Variants in FAT3 observed in about 807,000 individuals in gnomAD.
FAT3 encodes FAT atypical cadherin 3, also known as protocadherin Fat 3.
FAT3 carries 95 observed loss-of-function variants against 310.2 expected under a neutral mutation model. That is an observed-to-expected ratio of 0.31 (90% confidence interval 0.26 to 0.36). The LOEUF (loss-of-function observed/expected upper bound fraction) is 0.36, where lower values mean the gene tolerates loss of function less well. Ranked by LOEUF, FAT3 falls within the 10% of genes least tolerant of loss-of-function variation. The pLI is 1.00. For synonymous variants in FAT3, 2,314 were observed against 2,192.9 expected, an observed-to-expected ratio of 1.06 and a Z score of -1.54; for missense variants, 5,408 against 5,715.6, an observed-to-expected ratio of 0.95 and a Z score of 1.74.
At chr11:92,790,584 A>G (rs150525404) in intron 8 of FAT3, among the ~76,000 whole-genome samples, 1 of 152,334 alleles carries the variant, frequency 6.6e-6, no homozygotes, top group East Asian at 1.9e-4. Context: ...GAAGTTAATC[A>G]CAAGGGTAAT....
chr11:92,259,830 C>G (rs912134716), intron 1 of FAT3, among the ~76,000 whole-genome samples: 2 of 152,118 alleles, frequency 1.3e-5, no homozygotes, highest in African/African-American at 4.8e-5. Flanking sequence ...AACAAAATCT[C>G]CAGCTTTTAA....
intron 7 of FAT3, among the ~76,000 whole-genome samples, chr11:92,778,072 TG>T (rs1407925819): frequency 1.3e-5 from 2 of 152,064 alleles, no homozygotes; most frequent in Non-Finnish European, 2.9e-5. Context: ...TGACTTATCC[TG>T]GGGTGGAAAG....
intron 19 of FAT3, among the ~76,000 whole-genome samples, chr11:92,851,241 C>G (rs977073557): frequency 6.6e-6 from 1 of 152,154 alleles, no homozygotes; most frequent in Non-Finnish European, 1.5e-5. Flanking sequence ...AAAGTTACAC[C>G]TGAGTTCAGG....
Position 92,784,875 on chromosome 11 carries a change from C to T in FAT3, c.4336-5068C>T, listed in dbSNP as rs575524744. Among the ~76,000 whole-genome samples the T allele has an allele frequency of 3.3e-5, 5 of 151,946 alleles. No individual in the cohort carries two copies. In the South Asian group the frequency reaches 6.3e-4, roughly 19 times the overall value. On this transcript the variant is annotated intron_variant, in intron 7 of 27. Coordinates refer to ENST00000525166, the MANE Select transcript of FAT3 (RefSeq NM_001367949.2). ...TGAAGGTCAGGGCAGGCTTGCTGGCCGGAAAGGCTTTTTCCTCCCATTAAT... is the reference window on the plus strand; with the variant it reads ...TGAAGGTCAGGGCAGGCTTGCTGGCTGGAAAGGCTTTTTCCTCCCATTAAT...
At chr11:92,433,616 A>G (rs1349264367) in intron 2 of FAT3, among the ~76,000 whole-genome samples, 1 of 152,184 alleles carries the variant, frequency 6.6e-6, no homozygotes, top group Non-Finnish European at 1.5e-5. Context: ...TTGGAAATGC[A>G]GAAATCACCC....
At chr11:92,326,070 A>G (rs1947755091) in intron 1 of FAT3, among the ~76,000 whole-genome samples, 1 of 152,232 alleles carries the variant, frequency 6.6e-6, no homozygotes, top group Admixed American at 6.5e-5. Context: ...AGGCAACATA[A>G]TATTGCAGAC....
chr11:92,362,721 C>T (rs1270689153), intron 2 of FAT3, among the ~76,000 whole-genome samples: 1 of 152,164 alleles, frequency 6.6e-6, no homozygotes, highest in Non-Finnish European at 1.5e-5. Context: ...AGTGTGCCAT[C>T]TGTTTTCTGC....
chr11:92,572,835 G>T (rs1267722012), intron 3 of FAT3, among the ~76,000 whole-genome samples: 1 of 152,142 alleles, frequency 6.6e-6, no homozygotes, highest in Non-Finnish European at 1.5e-5. Flanking sequence ...CTCATGAGGT[G>T]ACTGAAAACA....
At chr11:92,501,243 G>A (rs1952929662) in intron 2 of FAT3, among the ~76,000 whole-genome samples, 1 of 152,030 alleles carries the variant, frequency 6.6e-6, no homozygotes, top group Non-Finnish European at 1.5e-5. Flanking sequence ...GGCTGTATGG[G>A]GAATGTGATC....
At chr11:92,251,452 C>A (rs750782613) in intron 1 of FAT3, among the ~76,000 whole-genome samples, 1 of 152,092 alleles carries the variant, frequency 6.6e-6, no homozygotes, top group African/African-American at 2.4e-5. Flanking sequence ...ATTCTTAAAA[C>A]ACTTGAAAAT....
chr11:92,302,326 C>T (rs1399667627), intron 1 of FAT3, among the ~76,000 whole-genome samples: 2 of 151,814 alleles, frequency 1.3e-5, no homozygotes, highest in African/African-American at 4.8e-5. Context: ...TTTTCTGTAA[C>T]ATGGCTACAT....
At chr11:92,791,647 A>T (rs1220110019) in intron 8 of FAT3, among the ~76,000 whole-genome samples, 1 of 152,160 alleles carries the variant, frequency 6.6e-6, no homozygotes, top group Non-Finnish European at 1.5e-5. Context: ...TATTCCTCCT[A>T]GGTACTATTT....
chr11:92,418,150 A>G (rs935126165), intron 2 of FAT3, among the ~76,000 whole-genome samples: 8 of 152,292 alleles, frequency 5.3e-5, no homozygotes, highest in Non-Finnish European at 1.0e-4. Context: ...TATTCCATCA[A>G]CAATCAAAAC....
intron 21 of FAT3, among the ~76,000 whole-genome samples, chr11:92,860,073 G>A (rs1949082918): frequency 6.6e-6 from 1 of 152,146 alleles, no homozygotes; most frequent in African/African-American, 2.4e-5. Context: ...ATGGTAGTCG[G>A]CACCTATAAT....
intron 13 of FAT3, among the ~76,000 whole-genome samples, chr11:92,819,897 T>C (rs1367793997): frequency 6.6e-6 from 1 of 152,184 alleles, no homozygotes; most frequent in African/African-American, 2.4e-5. Context: ...TAGAGGTTAA[T>C]GAAAATAAAG....
At chr11:92,771,408 A>G (rs1476374504) in intron 6 of FAT3, among the ~76,000 whole-genome samples, 4 of 150,058 alleles carry the variant, frequency 2.7e-5, no homozygotes, top group African/African-American at 9.8e-5. Context: ...ATGAAATGGG[A>G]TGCTTAAGTG....
chr11:92,686,196 G>T (rs910463234), intron 3 of FAT3, among the ~76,000 whole-genome samples: 1 of 152,170 alleles, frequency 6.6e-6, no homozygotes, highest in Non-Finnish European at 1.5e-5. Context: ...ACTCTGAGGA[G>T]CACGTTGTAG....
rs982760378 is a variant in FAT3 at position 92,883,575 on chromosome 11, G to A, written c.12937+182G>A. On this transcript the variant is annotated intron_variant, in intron 24 of 27. Coordinates refer to ENST00000525166, the MANE Select transcript of FAT3 (RefSeq NM_001367949.2). This position sits in a 1 kb window ranked among gnomAD's most constrained non-coding sequence, Gnocchi z 4.2. ...GTCCTGGTTCTGGTTCCCATTTACA[G>A]ATGGGAGAAATGAAGCTCAGAGAGG... Among the ~76,000 whole-genome samples the A allele has an allele frequency of 5.3e-5, 8 of 152,184 alleles. No individual in the cohort carries two copies. The highest frequency in any genetic ancestry group is 1.9e-4 in the African/African-American group (8 of 41,444).
chr11:92,855,129 C>G (rs2136317455), intron 19 of FAT3, among the ~76,000 whole-genome samples: 1 of 152,314 alleles, frequency 6.6e-6, no homozygotes, highest in African/African-American at 2.4e-5. Context: ...TATTTAGGAG[C>G]TAGCTAGACG....
Sources: gnomAD v4.1 joint callset for allele counts (sites outside exome capture counted in the v4.1 genomes callset) on GRCh38, gnomAD v4.1.1 for gene constraint, Gnocchi (gnomAD v3.1) non-coding constraint, MANE v1.5 for transcripts, NCBI Gene and HGNC (gene_info 2026-07-23, HGNC 2026-07-21) for gene names.